KDM5A: variants seen among roughly 807,000 people sequenced by gnomAD.
The protein encoded by KDM5A is lysine demethylase 5A.
In KDM5A, 42 loss-of-function variants were observed where a neutral mutation model predicts 193.5. The observed-to-expected ratio is 0.22, with a 90% CI of 0.17 to 0.28. The LOEUF (loss-of-function observed/expected upper bound fraction) is 0.28. KDM5A is among the 10% of genes least tolerant of loss of function. The probability of loss-of-function intolerance (pLI) is 1.00; values close to 1 mark genes in which losing one functional copy is unlikely to be tolerated. For missense variants in KDM5A, 1,692 were observed against 2,055.1 expected, an observed-to-expected ratio of 0.82 and a Z score of 3.42; for synonymous variants, 796 against 718.1, an observed-to-expected ratio of 1.11 and a Z score of -1.73.
chr12:286,233 T>C (rs1943218054), intron 27 of KDM5A: 1 of 491,566 alleles, frequency 2.0e-6, no homozygotes, highest in South Asian at 1.5e-5. Flanking sequence ...AAATATCAGA[T>C]GTCAAATCTT....
Position 318,387 on chromosome 12 carries a change from G to A in KDM5A, c.2616C>T (p.Ser872=). 1 of 1,614,140 alleles carries A rather than the reference G, an allele frequency of 6.2e-7. No homozygotes were observed. The highest frequency in any genetic ancestry group is 8.5e-7 in the Non-Finnish European group (1 of 1,180,010). The change falls in exon 19 of 28, where the codon TCC becomes TCT. Residue 872 remains serine (S), a synonymous_variant. Transcript: ENST00000399788. The part of the protein sequence containing the change: ...EAMMDETPDS[S]KLQMLIDMGS... The stretch of plus-strand genomic sequence containing the variant: ...CCATATCTATCAACATCTGGAGTTT[G>A]GAAGAATCTGGGGTTTCATCCATCA...
rs149829070 is a variant in KDM5A, at chr12:282,101, G to A, written c.*3355C>T. 4.4e-3 allele frequency: 1,332 copies of A among 300,854 alleles called. 43 individuals carry two copies. The East Asian group carries it at 0.067, about 15-fold the overall frequency. The allele number at this position is 300,854 out of a possible 1,614,324, so 18.6% of individuals were successfully genotyped here. The stretch of plus-strand genomic sequence containing the variant: ...CCATGCTAACCTTACAGCTCAGCCT[G>A]CACAGAAGCACAGAAGCAAAGCCCA... On this transcript the variant is annotated 3_prime_UTR_variant, in exon 28 of 28. Transcript: ENST00000399788.
chr12:348,955 T>C (rs987527143), intron 10 of KDM5A, among the ~76,000 whole-genome samples: 7 of 147,242 alleles, frequency 4.8e-5, no homozygotes, highest in Non-Finnish European at 9.0e-5. Context: ...AAACTCGTTA[T>C]AGGGGGAAAA....
chr12:340,422 A>G (rs973291696), intron 10 of KDM5A, among the ~76,000 whole-genome samples: 18 of 152,110 alleles, frequency 1.2e-4, no homozygotes, highest in Admixed American at 8.5e-4. Flanking sequence ...TCAGTCGGGC[A>G]CAGTGGCTCA....
rs576289882 is a variant in KDM5A at position 342,464 on chromosome 12, T to C, written c.1309-8042A>G. 7.2e-5 allele frequency among the ~76,000 whole-genome samples: 11 copies of C among 152,250 alleles called. 1 individual carries two copies. Among genetic ancestry groups the C allele is most frequent in the African/African-American group, 2.6e-4 (11 of 41,556 alleles). ...CTGGACCTACCAATAAAATGTGTTT[T>C]TTTTTTCCTCTTGGAGACAGAGTCT... On this transcript the variant is annotated intron_variant, in intron 10 of 27. Transcript: ENST00000399788.
At chr12:330,773 G>C (rs1382668845) in intron 13 of KDM5A, among the ~76,000 whole-genome samples, 1 of 152,068 alleles carries the variant, frequency 6.6e-6, no homozygotes, top group African/African-American at 2.4e-5. Context: ...TTACTCATTA[G>C]CAAAGGAAAC....
At chr12:293,833 A>T (rs1591897643) in intron 26 of KDM5A, among the ~76,000 whole-genome samples, 1 of 151,104 alleles carries the variant, frequency 6.6e-6, no homozygotes, top group Admixed American at 6.6e-5. Flanking sequence ...TTCAAAAGAC[A>T]TTTTAAGAAG....
intron 10 of KDM5A, among the ~76,000 whole-genome samples, chr12:343,255 T>C (rs376170645): frequency 6.6e-6 from 1 of 151,914 alleles, no homozygotes; most frequent in African/African-American, 2.4e-5. Flanking sequence ...CTTGAGTAGG[T>C]AGAAAAAGCA....
chr12:293,217 A>G lies in KDM5A; in HGVS notation c.4456-48T>C, dbSNP rs763264320. 54 of 1,505,516 alleles carry G rather than the reference A, an allele frequency of 3.6e-5. No individual in the cohort carries two copies. The South Asian group carries it at 4.9e-4, about 14-fold the overall frequency. 93.3% of individuals were successfully genotyped at this position (1,505,516 alleles called of 1,614,324 possible). A position where few individuals can be genotyped will look rare whatever the true frequency, so the allele number is the denominator to read the frequency against. Reference sequence around the variant, plus strand: ...ACAATTTTAAAGCAAGACAGTTAAAAAACAGTATTACTCTCTTATATGAGG... The same window carrying G: ...ACAATTTTAAAGCAAGACAGTTAAAGAACAGTATTACTCTCTTATATGAGG... On this transcript the variant is annotated intron_variant, in intron 26 of 27. Coordinates refer to ENST00000399788, the MANE Select transcript of KDM5A (RefSeq NM_001042603.3).
chr12:379,840 A>C (rs1006147914), intron 3 of KDM5A, among the ~76,000 whole-genome samples: 3 of 152,258 alleles, frequency 2.0e-5, no homozygotes, highest in African/African-American at 7.2e-5. Flanking sequence ...GAACCTTAAA[A>C]GGAAATCAGC....
intron 10 of KDM5A, among the ~76,000 whole-genome samples, chr12:335,686 T>C (rs1943920987): frequency 6.6e-6 from 1 of 152,128 alleles, no homozygotes; most frequent in Non-Finnish European, 1.5e-5. Context: ...GAAGACATGT[T>C]TGAGGAGATT....
chr12:386,039 C>A, intron 1 of KDM5A, 65 bp from the exon 2 acceptor site: 1 of 1,280,980 alleles, frequency 7.8e-7, no homozygotes, highest in East Asian at 2.3e-5. Flanking sequence ...TTAATTATTC[C>A]CTTAAAGGGG....
chr12:290,612 T>G (rs908296136), intron 27 of KDM5A, among the ~76,000 whole-genome samples: 1 of 152,238 alleles, frequency 6.6e-6, no homozygotes, highest in African/African-American at 2.4e-5. Flanking sequence ...GCACTTACGT[T>G]GCATTTTTTG....
chr12:365,105 T>G (rs1190059705), intron 4 of KDM5A, among the ~76,000 whole-genome samples: 2 of 151,832 alleles, frequency 1.3e-5, no homozygotes, highest in African/African-American at 4.8e-5. Context: ...CAGGCTGGAG[T>G]GCAGTGGCAG....
chr12:388,104 G>A (rs994271076), intron 1 of KDM5A: 1 of 273,068 alleles, frequency 3.7e-6, no homozygotes, highest in African/African-American at 2.2e-5. Flanking sequence ...TGGTGCAAGT[G>A]GTCCAGCAAC....
chr12:321,736 A>G (rs1447935086), intron 17 of KDM5A, among the ~76,000 whole-genome samples: 1 of 152,246 alleles, frequency 6.6e-6, no homozygotes, highest in Non-Finnish European at 1.5e-5. Flanking sequence ...AATACTTATG[A>G]ATTCTATTAT....
chr12:284,973 CAT>C lies in KDM5A; in HGVS notation c.*481_*482del. On this transcript the variant is annotated 3_prime_UTR_variant, in exon 28 of 28. Transcript: ENST00000399788. ...GTTACTCCTAGTTGTATCTTTAGGG[CAT>C]TAAGTACCAGGTAACAGTGGAAGGA... 3.9e-6 allele frequency: 1 copy of C among 254,546 alleles called. No individual in the cohort carries two copies. The highest frequency in any genetic ancestry group is 7.7e-6 in the Non-Finnish European group (1 of 129,426). The allele number at this position is 254,546 out of a possible 1,614,324, so 15.8% of individuals were successfully genotyped here.
At chr12:379,175 A>T (rs190074292) in intron 3 of KDM5A, among the ~76,000 whole-genome samples, 1,645 of 137,634 alleles carry the variant, frequency 0.012, 14 homozygotes, top group Middle Eastern at 0.031. Flanking sequence ...AATCATATAT[A>T]AAAAAAAAAC....
At chr12:352,375 A>C (rs1376693448) in intron 8 of KDM5A, 51 bp from the exon 9 acceptor site, 5 of 1,533,786 alleles carry the variant, frequency 3.3e-6, no homozygotes, top group Non-Finnish European at 4.5e-6. Context: ...AACTGAAGAA[A>C]GCTTTAAGGC....
Sources: gnomAD v4.1 joint callset for allele counts (sites outside exome capture counted in the v4.1 genomes callset) on GRCh38, gnomAD v4.1.1 for gene constraint, MANE v1.5 for transcripts, NCBI Gene and HGNC (gene_info 2026-07-23, HGNC 2026-07-21) for gene names.